The following FHIP1A variants were observed in gnomAD, a reference collection of about 807,000 sequenced individuals.
FHIP1A encodes the protein FHF complex subunit HOOK-interacting protein 1A.
A neutral mutation model predicts 88.6 loss-of-function variants in FHIP1A; 61 were observed. The observed-to-expected ratio is 0.69, with a 90% CI of 0.56 to 0.85. The LOEUF (loss-of-function observed/expected upper bound fraction) is 0.85. Ranked by LOEUF, FHIP1A falls within the 40% of genes least tolerant of loss-of-function variation. The probability of loss-of-function intolerance (pLI) is 0.00; values close to 1 mark genes in which losing one functional copy is unlikely to be tolerated. For synonymous variants in FHIP1A, 478 were observed against 496.0 expected (o/e 0.96, Z 0.48); for missense variants, 1,154 against 1,273.5 (o/e 0.91, Z 1.43).
At chr4:151,562,505 G>A (rs1175417838) in intron 3 of FHIP1A, among the ~76,000 whole-genome samples, 1 of 152,066 alleles carries the variant, frequency 6.6e-6, no homozygotes, top group Non-Finnish European at 1.5e-5. Context: ...CATTAGGCCT[G>A]CCAATATAAT....
chr4:151,439,342 G>A (rs1259140308), intron 1 of FHIP1A, among the ~76,000 whole-genome samples: 1 of 152,116 alleles, frequency 6.6e-6, no homozygotes, highest in African/African-American at 2.4e-5. Flanking sequence ...CTGACACAAA[G>A]TAAGTGCTAT....
chr4:151,548,607 AT>A lies in FHIP1A; in HGVS notation c.-122-17530del, dbSNP rs1354990177. Among the ~76,000 whole-genome samples, 3 of 152,280 alleles carry A rather than the reference AT, an allele frequency of 2.0e-5. No individual in the cohort carries two copies. In the South Asian group the frequency reaches 6.2e-4, roughly 32 times the overall value. On this transcript the variant is annotated intron_variant, in intron 3 of 13. Coordinates refer to ENST00000435205, the MANE Select transcript of FHIP1A (RefSeq NM_001109977.3). ...CCATCAGCACCATGACAGTTTGCAA[AT>A]GAAATGGCAATGTCAGAAACTTACC...
intron 3 of FHIP1A, among the ~76,000 whole-genome samples, 160 bp downstream of exon 3, chr4:151,482,808 A>C (rs534962753): frequency 2.4e-4 from 37 of 151,966 alleles, no homozygotes; most frequent in Middle Eastern, 3.2e-3. Context: ...TCTATCCTCT[A>C]TGTGAAGCAT....
intron 3 of FHIP1A, among the ~76,000 whole-genome samples, chr4:151,526,125 A>G (rs1030870822): frequency 6.6e-6 from 1 of 152,254 alleles, no homozygotes; most frequent in Non-Finnish European, 1.5e-5. Flanking sequence ...TTCATAGTAC[A>G]GAACAAAATG....
chr4:151,562,000 T>G (rs1489327793), intron 3 of FHIP1A, among the ~76,000 whole-genome samples: 1 of 152,220 alleles, frequency 6.6e-6, no homozygotes, highest in Non-Finnish European at 1.5e-5. Context: ...TAAGAAATCC[T>G]ACTTTAGTTG....
At chr4:151,521,706 T>C (rs1196930492) in intron 3 of FHIP1A, among the ~76,000 whole-genome samples, 2 of 151,974 alleles carry the variant, frequency 1.3e-5, no homozygotes, top group East Asian at 1.9e-4. Flanking sequence ...TGTATGTATG[T>C]ATGTATGTAT....
chr4:151,511,467 C>T lies in FHIP1A; in HGVS notation c.-123+28819C>T, dbSNP rs1242295933. 3.9e-5 allele frequency among the ~76,000 whole-genome samples: 6 copies of T among 152,318 alleles called. No individual in the cohort carries two copies. In the East Asian group the frequency reaches 7.7e-4, roughly 20 times the overall value. The stretch of plus-strand genomic sequence containing the variant: ...TGGGTGCAGCGCACCGTGCGCGAGC[C>T]GAAGCAGGGCAAGGCACTGCCTCAC... On this transcript the variant is annotated intron_variant, in intron 3 of 13. Transcript: ENST00000435205.
rs553292284 is a variant in FHIP1A, at chr4:151,634,715, G to A, written c.1147-3962G>A. On this transcript the variant is annotated intron_variant, in intron 8 of 13. Transcript: ENST00000435205. ...GGATATCCACATGCAAAAGAATGAA[G>A]TTGAACCCTTACTTTACACCGTATA... is the stretch of plus-strand genomic sequence containing the variant. 3.9e-4 allele frequency among the ~76,000 whole-genome samples: 59 copies of A among 151,548 alleles called. 2 individuals carry two copies. In the South Asian group the frequency reaches 0.012, roughly 30 times the overall value.
intron 3 of FHIP1A, among the ~76,000 whole-genome samples, chr4:151,489,850 C>A (rs1398374844): frequency 6.6e-6 from 1 of 152,166 alleles, no homozygotes; most frequent in African/African-American, 2.4e-5. Context: ...ACCCGCCTAA[C>A]CCTGTCCCCA....
intron 3 of FHIP1A, among the ~76,000 whole-genome samples, chr4:151,538,611 A>C (rs2126723590): frequency 6.6e-6 from 1 of 152,324 alleles, no homozygotes; most frequent in Non-Finnish European, 1.5e-5. Flanking sequence ...GTCTTTCTTT[A>C]GAGATGTGGT....
chr4:151,624,420 A>G (rs1735866536), intron 7 of FHIP1A, among the ~76,000 whole-genome samples: 1 of 152,128 alleles, frequency 6.6e-6, no homozygotes, highest in Non-Finnish European at 1.5e-5. Flanking sequence ...CCAGGCAGAC[A>G]GACCCCAGCT....
intron 3 of FHIP1A, among the ~76,000 whole-genome samples, chr4:151,555,136 C>T (rs1340748363): frequency 1.3e-5 from 2 of 152,086 alleles, no homozygotes; most frequent in Non-Finnish European, 2.9e-5. Flanking sequence ...GAGGCGTTGG[C>T]TCTTTGATCT....
At chr4:151,575,798 G>C (rs940815359) in intron 4 of FHIP1A, among the ~76,000 whole-genome samples, 33 of 152,086 alleles carry the variant, frequency 2.2e-4, no homozygotes, top group African/African-American at 8.0e-4. Context: ...ACATTTCCCT[G>C]AGAAACAAAT....
At chr4:151,433,523 C>A (rs904014637) in intron 1 of FHIP1A, among the ~76,000 whole-genome samples, 1 of 151,880 alleles carries the variant, frequency 6.6e-6, no homozygotes, top group Admixed American at 6.6e-5. Context: ...TTGAAACTTG[C>A]GGAGTTAATG....
chr4:151,549,489 TAAAAA>T (rs57072592), intron 3 of FHIP1A, among the ~76,000 whole-genome samples: 8 of 112,712 alleles, frequency 7.1e-5, no homozygotes, highest in Admixed American at 9.5e-5. Flanking sequence ...AGACTCTGTC[TAAAAA>T]AAAAAAAAAA....
intron 3 of FHIP1A, among the ~76,000 whole-genome samples, chr4:151,538,647 C>T (rs1732157914): frequency 6.6e-6 from 1 of 152,162 alleles, no homozygotes; most frequent in African/African-American, 2.4e-5. Context: ...AAGCGCATAC[C>T]TCCTCTCTAA....
chr4:151,500,248 G>T (rs908602152), intron 3 of FHIP1A, among the ~76,000 whole-genome samples: 58 of 152,120 alleles, frequency 3.8e-4, no homozygotes, highest in African/African-American at 1.4e-3. Flanking sequence ...CAGAATAGGG[G>T]ACTTTATGGC....
At position 151,463,342 on chromosome 4, in the gene FHIP1A, G is replaced by C. The variant is rs564774676; in HGVS notation, c.-248+8534G>C. ...GGGGAGGGATGGTTGAAAGTAGAAT[G>C]ATGGTATGTCAGAGATGCCAGTAGC... On this transcript the variant is annotated intron_variant, in intron 2 of 13. Transcript: ENST00000435205. 2.6e-5 allele frequency among the ~76,000 whole-genome samples: 4 copies of C among 152,326 alleles called. 1 individual carries two copies. In the South Asian group the frequency reaches 8.3e-4, roughly 32 times the overall value.
chr4:151,536,464 C>T (rs1714504461), intron 3 of FHIP1A, among the ~76,000 whole-genome samples: 1 of 152,192 alleles, frequency 6.6e-6, no homozygotes, highest in African/African-American at 2.4e-5. Flanking sequence ...TCCCTGCCCC[C>T]ATTTTCCCAT....
Sources: allele counts gnomAD v4.1 joint callset (sites outside exome capture counted in the v4.1 genomes callset), GRCh38; gene constraint gnomAD v4.1.1; transcripts MANE v1.5; gene names NCBI Gene and HGNC (gene_info 2026-07-23, HGNC 2026-07-21).